Variants in ATP13A1 observed in about 807,000 individuals in gnomAD.
ATP13A1 encodes endoplasmic reticulum transmembrane helix translocase.
A neutral mutation model predicts 134.8 loss-of-function variants in ATP13A1; 55 were observed. That is an observed-to-expected ratio of 0.41 (90% CI 0.33 to 0.51). ATP13A1 has a LOEUF of 0.51. Ranked by LOEUF, ATP13A1 falls within the 20% of genes least tolerant of loss-of-function variation. The pLI is 0.29. For synonymous variants in ATP13A1, 775 were observed against 725.1 expected, an observed-to-expected ratio of 1.07 and a Z score of -1.10; for missense variants, 1,389 against 1,652.8, an observed-to-expected ratio of 0.84 and a Z score of 2.77.
chr19:19,654,682 G>T lies in ATP13A1; in HGVS notation c.1674C>A (p.Thr558=). ...TTTCTACAGGGATGCTGGACACTGGGGTCACCTCCTTCCCGTCTCTGCAAG... is the reference window on the plus strand; with the variant it reads ...TTTCTACAGGGATGCTGGACACTGGTGTCACCTCCTTCCCGTCTCTGCAAG... The part of the protein sequence containing the change: ...VAGLRDGKEV[T]PVSSIPVETH... Residue 558 remains threonine, a synonymous_variant, in exon 13 of 26, where the codon ACC becomes ACA. Transcript: ENST00000357324. The T allele has an allele frequency of 6.2e-7, 1 of 1,612,770 alleles. No homozygotes were observed. The highest frequency in any genetic ancestry group is 8.5e-7 in the Non-Finnish European group (1 of 1,179,584).
chr19:19,645,696 G>A lies in ATP13A1; in HGVS notation c.3455C>T (p.Ser1152Phe), dbSNP rs1202317390. 1 of 1,582,032 alleles carries A rather than the reference G, an allele frequency of 6.3e-7. No individual in the cohort carries two copies. Among genetic ancestry groups the A allele is most frequent in the Non-Finnish European group, 8.6e-7 (1 of 1,164,514 alleles). ...AAACTGGCTGTTGAAGTCGGGCGAG[G>A]AGCCGAGGAGCAGGCCAATGATGGC... is the stretch of plus-strand genomic sequence containing the variant. ...LLAIIGLLLG[S>F]SPDFNSQFGL... Residue 1152 changes from serine (S) to phenylalanine (F), a missense_variant, in exon 25 of 26, where the codon TCC becomes TTC. Ser to Phe is a radical substitution (Grantham distance 155). Transcript: ENST00000357324. This position sits in a 1 kb window ranked among gnomAD's most constrained non-coding sequence, Gnocchi z 4.1.
At chr19:19,652,116 G>A (rs889396707) in intron 16 of ATP13A1, among the ~76,000 whole-genome samples, 15 of 152,100 alleles carry the variant, frequency 9.9e-5, no homozygotes, top group African/African-American at 3.6e-4. Flanking sequence ...AGGAGGATGG[G>A]ACCATGACCT....
At chr19:19,662,099 C>A in intron 1 of ATP13A1, 1 of 1,574,112 alleles carries the variant, frequency 6.4e-7, no homozygotes, top group Admixed American at 1.8e-5. Flanking sequence ...GGCTGTTCAG[C>A]TCCTCCCACT....
Position 19,647,285 on chromosome 19 carries a change from G to T in ATP13A1, c.2949C>A (p.Thr983=). The T allele has an allele frequency of 3.1e-6, 5 of 1,613,560 alleles. No homozygotes were observed. The highest frequency in any genetic ancestry group is 4.2e-6 in the Non-Finnish European group (5 of 1,179,814). The change falls in exon 22 of 26, where the codon ACC becomes ACA. Residue 983 remains threonine (T), a synonymous_variant. Transcript: ENST00000357324. The surrounding 1 kb of genome is among the most constrained non-coding windows in gnomAD (Gnocchi z 4.8). ...CCAGGATCTTGAACATCTGTAGCGT[G>T]GTCACCAGCGTGCAGCGGCCCTGCT... ...VIKQGRCTLV[T]TLQMFKILAL...
chr19:19,662,227 G>C (rs992803954), intron 1 of ATP13A1: 51 of 1,517,098 alleles, frequency 3.4e-5, no homozygotes, highest in Non-Finnish European at 4.4e-5. Context: ...TCCCTCATTG[G>C]TGTCTTTCAT....
chr19:19,659,710 G>A lies in ATP13A1; in HGVS notation c.568C>T (p.Leu190Phe). The change falls in exon 3 of 26, where the codon CTC becomes TTC. Residue 190 changes from leucine to phenylalanine, a missense_variant. Around this residue, in one of 4 missense-constraint regions of ATP13A1, gnomAD observed 747 missense variants for 956.1 expected, o/e 0.78. Coordinates refer to ENST00000357324, the MANE Select transcript of ATP13A1 (RefSeq NM_020410.3). ...SYDALEKKQF[L>F]PVAFPVGNAF... ...TTTCCCACAGGAAAGGCCACGGGGA[G>A]AAACTGCTTCTTCTCCAGGGCATCG... is the stretch of plus-strand genomic sequence containing the variant. 1 of 1,614,006 alleles carries A rather than the reference G, an allele frequency of 6.2e-7. No individual in the cohort carries two copies.
Position 19,645,651 on chromosome 19 carries a change from A to G in ATP13A1, c.3500T>C (p.Val1167Ala). 1 of 1,569,338 alleles carries G rather than the reference A, an allele frequency of 6.4e-7. No homozygotes were observed. The highest frequency in any genetic ancestry group is 1.4e-5 in the African/African-American group (1 of 73,994). The change falls in exon 25 of 26, where the codon GTG becomes GCG. Residue 1167 changes from valine to alanine, a missense_variant. This residue lies in a region of ATP13A1 where 228 missense variants were observed against 321.0 expected (regional missense o/e 0.71). Transcript: ENST00000357324. This position sits in a 1 kb window ranked among gnomAD's most constrained non-coding sequence, Gnocchi z 4.1. ...CACCTCCACAGGGCCACTGACCTCC[A>G]CAGGGATGTCCACGAGGCCAAACTG... ...NSQFGLVDIP[V>A]EFKLVIAQVL...
chr19:19,657,027 G>A lies in ATP13A1; in HGVS notation c.873C>T (p.Ile291=). The change falls in exon 5 of 26, where the codon ATC becomes ATT. Residue 291 remains isoleucine, a synonymous_variant. Coordinates refer to ENST00000357324, the MANE Select transcript of ATP13A1 (RefSeq NM_020410.3). The stretch of plus-strand genomic sequence containing the variant: ...TGTGGGGCTTGTTGCCCATCTTCCG[G>A]ATCTCCGACATGTTCCGCATCTGCT... ...VQQQMRNMSE[I]RKMGNKPHMI... 2 of 1,581,120 alleles carry A rather than the reference G, an allele frequency of 1.3e-6. No individual in the cohort carries two copies. Among genetic ancestry groups the A allele is most frequent in the East Asian group, 2.3e-5 (1 of 44,358 alleles).
chr19:19,654,731 G>A (rs752854358), intron 12 of ATP13A1, 31 bp from the exon 13 acceptor site: 3 of 1,588,140 alleles, frequency 1.9e-6, no homozygotes, highest in Non-Finnish European at 8.6e-7. Context: ...TGGTTACAGA[G>A]TGCAGGCGGG....
In ATP13A1 at chr19:19,656,910, G is replaced by A. The variant is rs761547087; in HGVS notation, c.913C>T (p.Arg305Ter). 40 of 1,610,754 alleles carry A rather than the reference G, an allele frequency of 2.5e-5. No homozygotes were observed. Among genetic ancestry groups the A allele is most frequent in the Middle Eastern group, 1.6e-4 (1 of 6,084 alleles). Residue 305 changes from arginine to a stop codon, truncating the protein, a stop_gained, in exon 6 of 26, where the codon CGA becomes TGA. Coordinates refer to ENST00000357324, the MANE Select transcript of ATP13A1 (RefSeq NM_020410.3). LOFTEE classifies it high-confidence loss of function. This position sits in a 1 kb window ranked among gnomAD's most constrained non-coding sequence, Gnocchi z 4.6. ...GCAATGGGCCTCCACTTGCGGCTTC[G>A]GTAGACCTGGGCGGGGCATGGGTGT... The part of the protein sequence containing the change: ...GNKPHMIQVY[R>*]SRKWRPIASD...
At chr19:19,661,100 C>A (rs574364792) in intron 1 of ATP13A1, among the ~76,000 whole-genome samples, 86 of 151,900 alleles carry the variant, frequency 5.7e-4, no homozygotes, top group African/African-American at 2.0e-3. Context: ...AACAAACAAA[C>A]AAAAAAACCC....
Position 19,659,948 on chromosome 19 carries a change from G to A in ATP13A1, c.436C>T (p.Pro146Ser). Reference protein sequence around the residue: ...PSKATFVKVVPTPNNGSTELV... With the variant: ...PSKATFVKVVSTPNNGSTELV... ...TCCGTGGAGCCATTGTTGGGGGTTG[G>A]CACCACCTTCACAAAGGTCGCTTTG... The change falls in exon 2 of 26, where the codon CCA becomes TCA. Residue 146 changes from proline to serine, a missense_variant. Physicochemically the swap from Pro to Ser is moderately conservative, Grantham distance 74. Transcript: ENST00000357324. The A allele has an allele frequency of 1.3e-6, 2 of 1,585,918 alleles. No homozygotes were observed. Among genetic ancestry groups the A allele is most frequent in the Non-Finnish European group, 1.7e-6 (2 of 1,167,290 alleles).
At position 19,648,498 on chromosome 19, in the gene ATP13A1, C is replaced by CAAAAAAAAAA. The variant is rs35645918; in HGVS notation, c.2633-749_2633-740dup. Reference sequence around the variant, plus strand: ...ATTCAATTTAACACCTGAGTTCTTGCAAAAAAAAAAAAAGAAAAAAGAAAA... The same window carrying CAAAAAAAAAA: ...ATTCAATTTAACACCTGAGTTCTTGCAAAAAAAAAAAAAAAAAAAAAAAGAAAAAAGAAAA... On this transcript the variant is annotated intron_variant, in intron 19 of 25. Coordinates refer to ENST00000357324, the MANE Select transcript of ATP13A1 (RefSeq NM_020410.3). Among the ~76,000 whole-genome samples the CAAAAAAAAAA allele has an allele frequency of 1.9e-4, 19 of 100,154 alleles. 1 individual carries two copies. The highest frequency in any genetic ancestry group is 1.3e-3 in the East Asian group (5 of 3,994). The allele number at this position is 100,154 out of a possible 152,430, so 65.7% of individuals were successfully genotyped here. A position where few individuals can be genotyped will look rare whatever the true frequency, so the allele number is the denominator to read the frequency against.
At position 19,645,223 on chromosome 19, in the gene ATP13A1, A is replaced by G. The variant is rs2061976509; in HGVS notation, c.*199T>C. ...TTTTTAAAATCTCAGATGCTGCTTTATTTACCAAAGGTGCTGGCTTGGGGC... is the reference window on the plus strand; with the variant it reads ...TTTTTAAAATCTCAGATGCTGCTTTGTTTACCAAAGGTGCTGGCTTGGGGC... On this transcript the variant is annotated 3_prime_UTR_variant, in exon 26 of 26. Transcript: ENST00000357324. The surrounding 1 kb of genome is among the most constrained non-coding windows in gnomAD (Gnocchi z 4.1). The G allele has an allele frequency of 3.2e-6, 2 of 618,208 alleles. No homozygotes were observed. The allele number at this position is 618,208 out of a possible 1,614,324, so 38.3% of individuals were successfully genotyped here. A position where few individuals can be genotyped will look rare whatever the true frequency, so the allele number is the denominator to read the frequency against.
chr19:19,655,270 C>G lies in ATP13A1; in HGVS notation c.1535-31G>C. ...GGCGGGAGTGAGGTCAGGGGTCCTG[C>G]TTGGCCCCAGCCCACTCGGCACCCC... is the stretch of plus-strand genomic sequence containing the variant. On this transcript the variant is annotated intron_variant, in intron 11 of 25. Transcript: ENST00000357324. The surrounding 1 kb of genome is among the most constrained non-coding windows in gnomAD (Gnocchi z 5.7). 6.2e-7 allele frequency: 1 copy of G among 1,613,954 alleles called. No homozygotes were observed.
intron 17 of ATP13A1, chr19:19,651,401 T>C (rs2062023440): frequency 3.5e-6 from 1 of 283,616 alleles, no homozygotes; most frequent in African/African-American, 2.2e-5. Flanking sequence ...GTAAGCGTGG[T>C]AGGAGCAGTA....
At position 19,663,426 on chromosome 19, in the gene ATP13A1, C is replaced by T. The variant is rs758069647; in HGVS notation, c.241G>A (p.Ala81Thr). The change falls in exon 1 of 26, where the codon GCC becomes ACC. Residue 81 changes from alanine (A) to threonine (T), a missense_variant. Coordinates refer to ENST00000357324, the MANE Select transcript of ATP13A1 (RefSeq NM_020410.3). The part of the protein sequence containing the change: ...AGLLYPAWLG[A>T]AAAGCWGWGS... The stretch of plus-strand genomic sequence containing the variant: ...CAGCCCCAGCAGCCAGCGGCTGCGG[C>T]ACCCAACCAGGCCGGGTAAAGCAGC... 1.7e-5 allele frequency: 27 copies of T among 1,572,840 alleles called. No homozygotes were observed. In the African/African-American group the frequency reaches 2.6e-4, roughly 15 times the overall value.
rs758773596 is a variant in ATP13A1 at position 19,656,941 on chromosome 19, C to T, written c.907-25G>A. ...CCTGGGCGGGGCATGGGTGTCAGCA[C>T]AGAAGCCGCACCTGTGCTGCACCCC... On this transcript the variant is annotated intron_variant, in intron 5 of 25. Coordinates refer to ENST00000357324, the MANE Select transcript of ATP13A1 (RefSeq NM_020410.3). This position sits in a 1 kb window ranked among gnomAD's most constrained non-coding sequence, Gnocchi z 4.6. 6.2e-7 allele frequency: 1 copy of T among 1,604,630 alleles called. No homozygotes were observed. Among genetic ancestry groups the T allele is most frequent in the Non-Finnish European group, 8.5e-7 (1 of 1,176,218 alleles).
At position 19,655,770 on chromosome 19, in the gene ATP13A1, G is replaced by A; in HGVS notation, c.1269+108C>T. 7 of 1,533,150 alleles carry A rather than the reference G, an allele frequency of 4.6e-6. No homozygotes were observed. Among genetic ancestry groups the A allele is most frequent in the Non-Finnish European group, 4.4e-6 (5 of 1,138,024 alleles). 95.0% of individuals were successfully genotyped at this position (1,533,150 alleles called of 1,614,324 possible). ...TGCACCCTGGCCCAGGTCCAGGGCCGTGCTGCCAGAGTCAGCCCGTGGGGC... is the reference window on the plus strand; with the variant it reads ...TGCACCCTGGCCCAGGTCCAGGGCCATGCTGCCAGAGTCAGCCCGTGGGGC... On this transcript the variant is annotated intron_variant, in intron 9 of 25. Transcript: ENST00000357324. This position sits in a 1 kb window ranked among gnomAD's most constrained non-coding sequence, Gnocchi z 5.7.
Sources: allele counts gnomAD v4.1 joint callset (sites outside exome capture counted in the v4.1 genomes callset), GRCh38; gene constraint gnomAD v4.1.1; regional missense constraint gnomAD v4.1.1; non-coding constraint Gnocchi (gnomAD v3.1); transcripts MANE v1.5; gene names NCBI Gene and HGNC (gene_info 2026-07-23, HGNC 2026-07-21).